Variants in PRAG1 observed in about 807,000 individuals in gnomAD.
PRAG1 encodes the protein PEAK1 related, kinase-activating pseudokinase 1, also known as inactive tyrosine-protein kinase PRAG1.
PRAG1 carries 110 observed loss-of-function variants against 95.6 expected under a neutral mutation model. The observed-to-expected ratio is 1.15, with a 90% confidence interval of 0.99 to 1.35. The LOEUF (loss-of-function observed/expected upper bound fraction) is 1.35. PRAG1 is among the 40% of genes most tolerant of loss of function. The pLI is 0.00. For missense variants in PRAG1, 2,554 were observed against 1,864.7 expected, an observed-to-expected ratio of 1.37 and a Z score of -6.81; for synonymous variants, 1,052 against 819.4, an observed-to-expected ratio of 1.28 and a Z score of -4.85.
intron 3 of PRAG1, among the ~76,000 whole-genome samples, chr8:8,347,323 C>T (rs1367060343): frequency 1.3e-5 from 2 of 152,180 alleles, no homozygotes; most frequent in Admixed American, 1.3e-4. Flanking sequence ...TTCACCAGCT[C>T]AGAGCTCTCT....
In PRAG1 at chr8:8,318,815, G is replaced by C; in HGVS notation, c.3560C>G (p.Pro1187Arg). 7.2e-7 allele frequency: 1 copy of C among 1,389,892 alleles called. No homozygotes were observed. The highest frequency in any genetic ancestry group is 9.4e-7 in the Non-Finnish European group (1 of 1,061,318). 86.1% of individuals were successfully genotyped at this position (1,389,892 alleles called of 1,614,324 possible). Reference sequence around the variant, plus strand: ...TGCGGGGCTGAGAGTGCCACCAGCAGGCGGGGCGGCAGAGGAGCAGGGAGG... The same window carrying C: ...TGCGGGGCTGAGAGTGCCACCAGCACGCGGGGCGGCAGAGGAGCAGGGAGG... ...AAPPCSSAAP[P>R]AGGTLSPAAG... Residue 1187 changes from proline to arginine, a missense_variant, in exon 6 of 6, where the codon CCT becomes CGT. Physicochemically the swap from Pro to Arg is moderately radical, Grantham distance 103. Transcript: ENST00000615670. The surrounding 1 kb of genome is among the most constrained non-coding windows in gnomAD (Gnocchi z 4.2).
Position 8,339,504 on chromosome 8 carries a change from G to A in PRAG1, c.2294C>T (p.Ser765Leu). ...FTTGSTDSLA[S>L]DSRTCSDGGP... ...TCCATCGCTGCAGGTCCTAGAGTCT[G>A]AGGCCAGGCTGTCCGTGGAGCCGGT... Residue 765 changes from serine to leucine, a missense_variant, in exon 4 of 6, where the codon TCA becomes TTA. Coordinates refer to ENST00000615670, the MANE Select transcript of PRAG1 (RefSeq NM_001080826.3). The A allele has an allele frequency of 6.2e-7, 1 of 1,614,182 alleles. No homozygotes were observed. The highest frequency in any genetic ancestry group is 8.5e-7 in the Non-Finnish European group (1 of 1,180,036).
At chr8:8,375,290 A>G (rs1008701224) in intron 3 of PRAG1, among the ~76,000 whole-genome samples, 15 of 149,742 alleles carry the variant, frequency 1.0e-4, no homozygotes, top group African/African-American at 1.7e-4. Context: ...TGCAAGCTCC[A>G]CCTCCCGGGT....
At chr8:8,350,303 G>A (rs1042764318) in intron 3 of PRAG1, among the ~76,000 whole-genome samples, 1 of 152,122 alleles carries the variant, frequency 6.6e-6, no homozygotes, top group African/African-American at 2.4e-5. Flanking sequence ...TGATGAGCAG[G>A]TAAGAGAGTG....
At chr8:8,362,483 C>T (rs1585259404) in intron 3 of PRAG1, among the ~76,000 whole-genome samples, 1 of 152,294 alleles carries the variant, frequency 6.6e-6, no homozygotes, top group East Asian at 1.9e-4. Context: ...TGGGTTTATT[C>T]ATTACAACAG....
chr8:8,320,591 T>G (rs1441142241), intron 5 of PRAG1, among the ~76,000 whole-genome samples: 1 of 152,078 alleles, frequency 6.6e-6, no homozygotes, highest in African/African-American at 2.4e-5. Flanking sequence ...TTATGCAACC[T>G]CACCCAGGCT....
intron 5 of PRAG1, among the ~76,000 whole-genome samples, chr8:8,324,018 C>T (rs1798551468): frequency 6.6e-6 from 1 of 152,208 alleles, no homozygotes; most frequent in Non-Finnish European, 1.5e-5. Flanking sequence ...GATAGTCCTT[C>T]CTCGTAGGGC....
chr8:8,349,561 C>T (rs1585246184), intron 3 of PRAG1, among the ~76,000 whole-genome samples: 1 of 152,096 alleles, frequency 6.6e-6, no homozygotes, highest in Admixed American at 6.6e-5. Flanking sequence ...GGATTACAGG[C>T]CTGAGCCACC....
intron 3 of PRAG1, among the ~76,000 whole-genome samples, chr8:8,345,059 G>GTGTGTGTGTGTT (rs1799289582): frequency 6.7e-6 from 1 of 148,440 alleles, no homozygotes; most frequent in African/African-American, 2.5e-5. Flanking sequence ...GTGTGTGTGT[G>GTGTGTGTGTGTT]TGTGTGTGTG....
Position 8,381,581 on chromosome 8 carries a change from G to A in PRAG1, c.167C>T (p.Pro56Leu), listed in dbSNP as rs747920786. 6.2e-7 allele frequency: 1 copy of A among 1,614,166 alleles called. No homozygotes were observed. Among genetic ancestry groups the A allele is most frequent in the Admixed American group, 1.7e-5 (1 of 60,028 alleles). ...AGGCCTGGGAGGCAGGCGCGGTGGA[G>A]GGGGCAGGCTGCCCGCTCTGGGCTG... ...PPQPRAGSLP[P>L]PPRLPPRPEN... Residue 56 changes from proline (P) to leucine (L), a missense_variant, in exon 2 of 6, where the codon CCT becomes CTT. By Grantham distance (98) the Pro-to-Leu change is moderately conservative (BLOSUM62 -3). Coordinates refer to ENST00000615670, the MANE Select transcript of PRAG1 (RefSeq NM_001080826.3).
intron 3 of PRAG1, among the ~76,000 whole-genome samples, chr8:8,348,560 T>A (rs1462886991): frequency 6.6e-6 from 1 of 152,096 alleles, no homozygotes; most frequent in Non-Finnish European, 1.5e-5. Context: ...AGGCTCGTCT[T>A]TGTCCTCTGA....
At chr8:8,335,244 TTAC>T (rs1798950205) in intron 4 of PRAG1, among the ~76,000 whole-genome samples, 1 of 152,228 alleles carries the variant, frequency 6.6e-6, no homozygotes, top group African/African-American at 2.4e-5. Flanking sequence ...GCACAGAGTC[TTAC>T]TGTAAGTCTT....
intron 3 of PRAG1, among the ~76,000 whole-genome samples, chr8:8,361,906 A>G (rs1799857950): frequency 6.6e-6 from 1 of 152,256 alleles, no homozygotes; most frequent in Non-Finnish European, 1.5e-5. Context: ...ATTAGGGGGA[A>G]TCTGATCACT....
In PRAG1 at chr8:8,376,781, G is replaced by A. The variant is rs372457834; in HGVS notation, c.1628C>T (p.Ala543Val). The A allele has an allele frequency of 1.2e-6, 2 of 1,610,838 alleles. No individual in the cohort carries two copies. Among genetic ancestry groups the A allele is most frequent in the African/African-American group, 2.7e-5 (2 of 74,910 alleles). Residue 543 changes from alanine (A) to valine (V), a missense_variant, in exon 3 of 6, where the codon GCC (alanine) becomes GTC (valine). Transcript: ENST00000615670. ...ACTCTTGGACAACTTGGGGGGAATGGCGGGCCTCTCCTTGGGCTTGCTCTC... is the reference window on the plus strand; with the variant it reads ...ACTCTTGGACAACTTGGGGGGAATGACGGGCCTCTCCTTGGGCTTGCTCTC... Reference protein sequence around the residue: ...ASESKPKERPAIPPKLSKSSP... With the variant: ...ASESKPKERPVIPPKLSKSSP...
chr8:8,382,890 C>A (rs1408245723), intron 1 of PRAG1, among the ~76,000 whole-genome samples: 1 of 152,124 alleles, frequency 6.6e-6, no homozygotes, highest in Admixed American at 6.5e-5. Flanking sequence ...GAAACAGAAG[C>A]CAACTTTGCA....
intron 3 of PRAG1, among the ~76,000 whole-genome samples, chr8:8,357,773 A>G (rs1433303871): frequency 6.6e-6 from 1 of 152,222 alleles, no homozygotes; most frequent in East Asian, 1.9e-4. Context: ...CAGTAGCCAA[A>G]ATGTAGAAGC....
chr8:8,327,465 G>A (rs563814034), intron 5 of PRAG1, among the ~76,000 whole-genome samples: 19 of 152,298 alleles, frequency 1.2e-4, no homozygotes, highest in Non-Finnish European at 1.5e-5. Context: ...AGCTACTCAG[G>A]AGGATGAGGC....
Position 8,376,312 on chromosome 8 carries a change from A to G in PRAG1, c.2097T>C (p.Phe699=). ...TCCCACTTCTGTCCTTGGGGAACTC[A>G]AAGGCAAAAGAGGCGGATTTGCTCA... The part of the protein sequence containing the change: ...TGMSKSASFA[F]EFPKDRSGIE... Residue 699 remains phenylalanine, a synonymous_variant, in exon 3 of 6, where the codon TTT becomes TTC. Transcript: ENST00000615670. The G allele has an allele frequency of 6.2e-7, 1 of 1,614,206 alleles. No homozygotes were observed. Among genetic ancestry groups the G allele is most frequent in the South Asian group, 1.1e-5 (1 of 91,082 alleles).
chr8:8,321,694 A>C (rs1798476383), intron 5 of PRAG1, among the ~76,000 whole-genome samples: 1 of 152,240 alleles, frequency 6.6e-6, no homozygotes, highest in Non-Finnish European at 1.5e-5. Flanking sequence ...TTATTTGCTC[A>C]GGACTATACA....
Sources: allele counts gnomAD v4.1 joint callset (sites outside exome capture counted in the v4.1 genomes callset), GRCh38; gene constraint gnomAD v4.1.1; non-coding constraint Gnocchi (gnomAD v3.1); transcripts MANE v1.5; gene names NCBI Gene and HGNC (gene_info 2026-07-23, HGNC 2026-07-21).